The following TBCK variants were observed in gnomAD, a reference collection of about 807,000 sequenced individuals.
TBCK encodes the protein TBC1 domain containing kinase, also known as TBC domain-containing protein kinase-like protein.
Under a neutral mutation model 113.4 loss-of-function variants are expected in TBCK, and 99 were observed. The ratio of observed to expected loss-of-function variants is 0.87; its 90% CI spans 0.74 to 1.03. TBCK has a LOEUF of 1.03. Among genes scored for constraint, TBCK ranks in the 50% least tolerant of loss-of-function variants. TBCK has a pLI of 0.00. For synonymous variants in TBCK, 369 were observed against 370.8 expected, an observed-to-expected ratio of 1.00 and a Z score of 0.05; for missense variants, 1,045 against 1,061.3, an observed-to-expected ratio of 0.98 and a Z score of 0.21.
chr4:106,056,571 T>G (rs1463195704), intron 25 of TBCK, among the ~76,000 whole-genome samples: 1 of 151,670 alleles, frequency 6.6e-6, no homozygotes, highest in South Asian at 2.1e-4. Context: ...ATTCCTTTTT[T>G]TTTTTTCATT....
At chr4:106,308,633 G>T in intron 2 of TBCK, 135 bp downstream of exon 2, 1 of 789,848 alleles carries the variant, frequency 1.3e-6, no homozygotes, top group Non-Finnish European at 1.9e-6. Flanking sequence ...GCAGGGTGGG[G>T]GAAAAGGATG....
intron 23 of TBCK, among the ~76,000 whole-genome samples, chr4:106,136,260 AC>A (rs1326765213): frequency 7.1e-6 from 1 of 140,520 alleles, no homozygotes; most frequent in Non-Finnish European, 1.6e-5. Context: ...AAATAATAAA[AC>A]TACTCTTCAA....
intron 25 of TBCK, among the ~76,000 whole-genome samples, chr4:106,085,687 T>C (rs1322779931): frequency 6.6e-6 from 1 of 152,176 alleles, no homozygotes; most frequent in Non-Finnish European, 1.5e-5. Flanking sequence ...ATTCTAAAAT[T>C]CAACCACATA....
intron 22 of TBCK, among the ~76,000 whole-genome samples, chr4:106,184,876 T>C (rs1478441751): frequency 6.6e-6 from 1 of 152,114 alleles, no homozygotes; most frequent in East Asian, 1.9e-4. Context: ...ATGGGTAAAC[T>C]GTTTTCTATT....
chr4:106,251,932 T>G lies in TBCK; in HGVS notation c.531A>C (p.Lys177Asn). The change falls in exon 6 of 26, where the codon AAA (lysine) becomes AAC (asparagine). Residue 177 changes from lysine to asparagine, a missense_variant. Physicochemically the swap from Lys to Asn is moderately conservative, Grantham distance 94. Transcript: ENST00000394708. ...CTGATTTGGGGCCAGAAGGCAATGG[T>G]TTTTTACTTGGCATGTGATCAGTGG... ...FKTTDHMPSK[K>N]PLPSGPKSDV... The G allele has an allele frequency of 6.2e-7, 1 of 1,611,490 alleles. No homozygotes were observed. The highest frequency in any genetic ancestry group is 1.1e-5 in the South Asian group (1 of 90,664).
chr4:106,104,757 T>A (rs1398873613), intron 24 of TBCK, among the ~76,000 whole-genome samples: 1 of 152,164 alleles, frequency 6.6e-6, no homozygotes, highest in Non-Finnish European at 1.5e-5. Context: ...CACCAACAGG[T>A]CCATACCTCC....
intron 25 of TBCK, among the ~76,000 whole-genome samples, chr4:106,069,340 T>C (rs1270764497): frequency 2.6e-5 from 4 of 152,216 alleles, no homozygotes; most frequent in African/African-American, 7.2e-5. Context: ...AAGGAAGGGA[T>C]CCAGTTTAAG....
intron 23 of TBCK, among the ~76,000 whole-genome samples, chr4:106,136,612 T>C (rs1417498893): frequency 7.1e-6 from 1 of 140,898 alleles, no homozygotes; most frequent in Non-Finnish European, 1.6e-5. Context: ...TTAAAGTCTT[T>C]TTATTCTCCC....
At chr4:106,050,928 A>G (rs749602750) in intron 25 of TBCK, among the ~76,000 whole-genome samples, 9 of 151,962 alleles carry the variant, frequency 5.9e-5, no homozygotes, top group Non-Finnish European at 1.3e-4. Flanking sequence ...GGATGTGGTC[A>G]GGCACACCTT....
At chr4:106,091,417 C>T (rs1442396245) in intron 25 of TBCK, among the ~76,000 whole-genome samples, 2 of 152,204 alleles carry the variant, frequency 1.3e-5, no homozygotes, top group African/African-American at 4.8e-5. Flanking sequence ...TTCTTGGTCT[C>T]ACTGACTTCA....
chr4:106,158,314 T>C (rs1344295448), intron 23 of TBCK, among the ~76,000 whole-genome samples: 1 of 151,814 alleles, frequency 6.6e-6, no homozygotes, highest in Non-Finnish European at 1.5e-5. Context: ...CTTTGGGAGG[T>C]TGTGGATCAC....
intron 12 of TBCK, among the ~76,000 whole-genome samples, chr4:106,240,385 G>A (rs1365461329): frequency 6.6e-6 from 1 of 151,240 alleles, no homozygotes; most frequent in Non-Finnish European, 1.5e-5. Context: ...ATAAGAATTT[G>A]GAAATGAAGG....
chr4:106,306,079 A>G (rs2125885444), intron 2 of TBCK, among the ~76,000 whole-genome samples: 1 of 150,650 alleles, frequency 6.6e-6, no homozygotes. Flanking sequence ...CTTGCCGCAC[A>G]AGATCCAAGA....
At chr4:106,091,625 C>T (rs1048585551) in intron 25 of TBCK, among the ~76,000 whole-genome samples, 2 of 151,952 alleles carry the variant, frequency 1.3e-5, no homozygotes, top group Non-Finnish European at 2.9e-5. Flanking sequence ...TGGAGTTGTT[C>T]GTTCCTCCCG....
chr4:106,086,052 G>T (rs1340831361), intron 25 of TBCK, among the ~76,000 whole-genome samples: 1 of 151,880 alleles, frequency 6.6e-6, no homozygotes, highest in Non-Finnish European at 1.5e-5. Context: ...AGAGGCAAGA[G>T]CAAACTTATC....
intron 24 of TBCK, among the ~76,000 whole-genome samples, chr4:106,096,385 C>G (rs1578880328): frequency 6.6e-6 from 1 of 152,244 alleles, no homozygotes; most frequent in Middle Eastern, 3.4e-3. Context: ...TAACAAACAA[C>G]TCATATATTC....
intron 23 of TBCK, among the ~76,000 whole-genome samples, chr4:106,131,539 G>A (rs1745928038): frequency 6.6e-6 from 1 of 152,192 alleles, no homozygotes; most frequent in Non-Finnish European, 1.5e-5. Flanking sequence ...CTTGAATCCA[G>A]GAGGCGGAGG....
At chr4:106,237,384 C>G (rs983643500) in intron 12 of TBCK, 17 of 364,580 alleles carry the variant, frequency 4.7e-5, no homozygotes, top group Admixed American at 2.5e-4. Flanking sequence ...AAATAACAAC[C>G]CTGACAGGAT....
intron 23 of TBCK, among the ~76,000 whole-genome samples, chr4:106,122,417 T>A (rs1560680791): frequency 6.6e-6 from 1 of 152,154 alleles, no homozygotes; most frequent in Non-Finnish European, 1.5e-5. Context: ...CAGGACCAGA[T>A]GGATTCACAG....
Sources: gnomAD v4.1 joint callset for allele counts (sites outside exome capture counted in the v4.1 genomes callset) on GRCh38, gnomAD v4.1.1 for gene constraint, MANE v1.5 for transcripts, NCBI Gene and HGNC (gene_info 2026-07-23, HGNC 2026-07-21) for gene names.